Variants in BPIFB4 observed in about 807,000 individuals in gnomAD.
The protein encoded by BPIFB4 is BPI fold-containing family B member 4.
In BPIFB4, 62 loss-of-function variants were observed where a neutral mutation model predicts 69.2. The observed-to-expected ratio is 0.90, with a 90% CI of 0.73 to 1.11. The LOEUF is 1.11. Ranked by LOEUF, BPIFB4 falls within the 50% of genes least tolerant of loss-of-function variation. The pLI, the probability that BPIFB4 is intolerant of heterozygous loss-of-function variation, is 0.00. For synonymous variants in BPIFB4, 330 were observed against 332.7 expected (o/e 0.99, Z 0.09); for missense variants, 789 against 792.0 (o/e 1.00, Z 0.04).
At chr20:33,097,070 T>G (rs2146411240) in intron 12 of BPIFB4, among the ~76,000 whole-genome samples, 1 of 152,296 alleles carries the variant, frequency 6.6e-6, no homozygotes, top group East Asian at 1.9e-4. Context: ...GCCTGGGACC[T>G]CCCTGTGGGA....
Position 33,103,000 on chromosome 20 carries a change from G to A in BPIFB4, c.1666G>A (p.Val556Met), listed in dbSNP as rs765446352. Residue 556 changes from valine (V) to methionine (M), a missense_variant, in exon 15 of 18, where the codon GTG (valine) becomes ATG (methionine). Val to Met is a conservative substitution (Grantham distance 21). Transcript: ENST00000375483. ...CAGCCTCAACCTCAGAACCTCAAACGTGGGCAACTTTGATGTAAGTACCAT... is the reference window on the plus strand; with the variant it reads ...CAGCCTCAACCTCAGAACCTCAAACATGGGCAACTTTGATGTAAGTACCAT... The part of the protein sequence containing the change: ...KTSLNLRTSN[V>M]GNFDIGLMEV... The A allele has an allele frequency of 1.2e-5, 19 of 1,613,950 alleles. No homozygotes were observed. The highest frequency in any genetic ancestry group is 4.4e-5 in the South Asian group (4 of 91,072).
chr20:33,105,278 A>G (rs1982016578), intron 16 of BPIFB4, among the ~76,000 whole-genome samples: 3 of 152,130 alleles, frequency 2.0e-5, no homozygotes, highest in African/African-American at 7.2e-5. Context: ...TTCCTGACTC[A>G]TATTTAAACA....
intron 1 of BPIFB4, among the ~76,000 whole-genome samples, 156 bp downstream of exon 1, chr20:33,079,859 C>A (rs1214936143): frequency 6.6e-6 from 1 of 152,218 alleles, no homozygotes; most frequent in Non-Finnish European, 1.5e-5. Flanking sequence ...TCAGGAGAGC[C>A]TCTTGGGAAT....
At chr20:33,097,091 G>A (rs116780539) in intron 12 of BPIFB4, among the ~76,000 whole-genome samples, 156 of 152,280 alleles carry the variant, frequency 1.0e-3, no homozygotes, top group African/African-American at 3.6e-3. Flanking sequence ...TTCCCCAGGC[G>A]TGGACTTCTC....
At chr20:33,104,779 C>T in intron 15 of BPIFB4, 31 bp from the exon 16 acceptor site, 1 of 1,610,670 alleles carries the variant, frequency 6.2e-7, no homozygotes, top group Non-Finnish European at 8.5e-7. Context: ...AAACCCCCTG[C>T]CCAGGCTCTG....
At position 33,084,887 on chromosome 20, in the gene BPIFB4, A is replaced by T; in HGVS notation, c.678-5A>T. ...GGCCTTCTCACCACTCTGTGTCCCG[A>T]GCAGGCTGCGTATCGTGGAGCTGAC... On this transcript the variant is annotated splice_polypyrimidine_tract_variant and splice_region_variant and intron_variant, in intron 5 of 17. Coordinates refer to ENST00000375483, the MANE Select transcript of BPIFB4 (RefSeq NM_182519.3). The T allele has an allele frequency of 6.2e-7, 1 of 1,605,632 alleles. No individual in the cohort carries two copies. The highest frequency in any genetic ancestry group is 1.1e-5 in the South Asian group (1 of 90,964).
intron 14 of BPIFB4, among the ~76,000 whole-genome samples, 173 bp from the exon 15 acceptor site, chr20:33,102,799 G>C (rs998409785): frequency 6.6e-6 from 1 of 152,200 alleles, no homozygotes; most frequent in Non-Finnish European, 1.5e-5. Context: ...CATGGTGTCC[G>C]ACGTGTAGTT....
intron 7 of BPIFB4, among the ~76,000 whole-genome samples, chr20:33,087,503 T>C (rs1343408798): frequency 6.6e-6 from 1 of 152,230 alleles, no homozygotes; most frequent in Non-Finnish European, 1.5e-5. Flanking sequence ...TACGTAATAT[T>C]CCATTGCCTG....
At chr20:33,081,707 G>C in intron 3 of BPIFB4, 75 bp downstream of exon 3, 1 of 1,528,712 alleles carries the variant, frequency 6.5e-7, no homozygotes. Context: ...AAGTACCCAG[G>C]AACCTCCTCC....
At chr20:33,096,589 C>T (rs1331166547) in intron 12 of BPIFB4, among the ~76,000 whole-genome samples, 3 of 152,162 alleles carry the variant, frequency 2.0e-5, no homozygotes, top group Non-Finnish European at 4.4e-5. Context: ...TATACTTTTT[C>T]AATTGGTTCT....
At chr20:33,089,600 G>T in intron 9 of BPIFB4, 42 bp downstream of exon 9, 1 of 1,613,968 alleles carries the variant, frequency 6.2e-7, no homozygotes, top group Non-Finnish European at 8.5e-7. Flanking sequence ...AAGGCACTGA[G>T]GACCGGGCCC....
At chr20:33,106,376 CTTT>C (rs71190890) in intron 16 of BPIFB4, among the ~76,000 whole-genome samples, 2 of 133,064 alleles carry the variant, frequency 1.5e-5, no homozygotes, top group Non-Finnish European at 1.6e-5. Flanking sequence ...TCTTTTCTTT[CTTT>C]TTTTTTTTTT....
chr20:33,104,923 G>A (rs1431537325), intron 16 of BPIFB4, 50 bp downstream of exon 16: 1 of 1,567,024 alleles, frequency 6.4e-7, no homozygotes, highest in Admixed American at 1.7e-5. Flanking sequence ...TTGGGTACTG[G>A]GGGATACTGG....
At chr20:33,086,224 A>G in intron 7 of BPIFB4, 60 bp downstream of exon 7, 1 of 1,569,638 alleles carries the variant, frequency 6.4e-7, no homozygotes, top group Non-Finnish European at 8.7e-7. Context: ...GTCTTTGGCA[A>G]ACAACATGAC....
At chr20:33,099,841 C>T (rs541630014) in intron 13 of BPIFB4, among the ~76,000 whole-genome samples, 1 of 152,076 alleles carries the variant, frequency 6.6e-6, no homozygotes, top group Non-Finnish European at 1.5e-5. Flanking sequence ...ACTGTTTTTT[C>T]ATAAAGCCAA....
At chr20:33,090,921 G>T (rs1981582241) in intron 10 of BPIFB4, 122 bp downstream of exon 10, 1 of 1,205,850 alleles carries the variant, frequency 8.3e-7, no homozygotes, top group Non-Finnish European at 1.2e-6. Context: ...GGACCCTCTC[G>T]ATTAGAAGAA....
chr20:33,085,130 C>T (rs1007964358), intron 6 of BPIFB4, 134 bp downstream of exon 6: 187 of 1,461,510 alleles, frequency 1.3e-4, no homozygotes, highest in Admixed American at 4.5e-4. Flanking sequence ...CATCTGTCAG[C>T]GGTGAAAACA....
rs748445029 is a variant in BPIFB4, at chr20:33,095,179, G to A, written c.1398+26G>A. ...GTATGTAAGGTGGGCAGGTCCCATTGCCTTCAGCCTCATTCTCTATCTTGT... is the reference window on the plus strand; with the variant it reads ...GTATGTAAGGTGGGCAGGTCCCATTACCTTCAGCCTCATTCTCTATCTTGT... On this transcript the variant is annotated intron_variant, in intron 12 of 17. Transcript: ENST00000375483. 40 of 1,568,476 alleles carry A rather than the reference G, an allele frequency of 2.6e-5. No individual in the cohort carries two copies. The South Asian group carries it at 4.4e-4, about 17-fold the overall frequency.
intron 11 of BPIFB4, among the ~76,000 whole-genome samples, chr20:33,094,797 C>T (rs1224065928): frequency 3.3e-5 from 5 of 152,284 alleles, no homozygotes; most frequent in Middle Eastern, 3.4e-3. Context: ...CATGAGCCAC[C>T]GTTCTCGCCC....
Sources: allele counts gnomAD v4.1 joint callset (sites outside exome capture counted in the v4.1 genomes callset), GRCh38; gene constraint gnomAD v4.1.1; transcripts MANE v1.5; gene names NCBI Gene and HGNC (gene_info 2026-07-23, HGNC 2026-07-21).